The following DDHD2 variants were observed in gnomAD, a reference collection of about 807,000 sequenced individuals.
The protein encoded by DDHD2 is triacylglycerol hydrolase DDHD2.
DDHD2 carries 62 observed loss-of-function variants against 91.2 expected under a neutral mutation model. That is an observed-to-expected ratio of 0.68 (90% CI 0.55 to 0.84). The LOEUF (loss-of-function observed/expected upper bound fraction) is 0.84, where lower values mean the gene tolerates loss of function less well. Ranked by LOEUF, DDHD2 falls within the 40% of genes least tolerant of loss-of-function variation. The pLI, the probability that DDHD2 is intolerant of heterozygous loss-of-function variation, is 0.00. For synonymous variants in DDHD2, 271 were observed against 293.9 expected, an observed-to-expected ratio of 0.92 and a Z score of 0.80; for missense variants, 740 against 846.9, an observed-to-expected ratio of 0.87 and a Z score of 1.57.
intron 3 of DDHD2, among the ~76,000 whole-genome samples, chr8:38,235,047 G>T (rs2130747269): frequency 6.6e-6 from 1 of 152,186 alleles, no homozygotes; most frequent in African/African-American, 2.4e-5. Context: ...TTGTAAAGTA[G>T]GTAGTGAAAA....
At position 38,234,561 on chromosome 8, in the gene DDHD2, G is replaced by T. The variant is rs1325391969; in HGVS notation, c.388G>T (p.Glu130Ter). 6.2e-7 allele frequency: 1 copy of T among 1,609,366 alleles called. No individual in the cohort carries two copies. The part of the protein sequence containing the change: ...DKDNKYVPYS[E>*]SFSQVLEETY... ...AGACAATAAGTATGTTCCCTACTCG[G>T]AGAGCTTCAGCCAAGTTTTAGAGGT... is the stretch of plus-strand genomic sequence containing the variant. The change falls in exon 3 of 18, where the codon GAG (glutamate) becomes TAG (stop). Residue 130 changes from glutamate (E) to a stop codon, truncating the protein, a stop_gained. Coordinates refer to ENST00000397166, the MANE Select transcript of DDHD2 (RefSeq NM_015214.3). LOFTEE classifies it high-confidence loss of function.
chr8:38,260,405 C>T (rs536355585), intron 17 of DDHD2, among the ~76,000 whole-genome samples, 195 bp from the exon 18 acceptor site: 1 of 152,202 alleles, frequency 6.6e-6, no homozygotes, highest in Non-Finnish European at 1.5e-5. Context: ...GATCTAAACT[C>T]AGAGTTTTAA....
chr8:38,256,157 G>T (rs900275749), intron 16 of DDHD2, among the ~76,000 whole-genome samples: 7 of 152,076 alleles, frequency 4.6e-5, no homozygotes, highest in African/African-American at 1.4e-4. Context: ...TGTGCCTTTT[G>T]TAATCCCTCC....
chr8:38,252,575 A>C, intron 13 of DDHD2, 147 bp from the exon 14 acceptor site: 1 of 685,356 alleles, frequency 1.5e-6, no homozygotes, highest in Non-Finnish European at 2.4e-6. Context: ...CTAGGAGTTG[A>C]AGGCTACAGT....
chr8:38,251,992 T>C lies in DDHD2; in HGVS notation c.1425T>C (p.Thr475=). The change falls in exon 12 of 18, where the codon ACT becomes ACC. Residue 475 remains threonine, a synonymous_variant. Coordinates refer to ENST00000397166, the MANE Select transcript of DDHD2 (RefSeq NM_015214.3). Reference sequence around the variant, plus strand: ...CTGAGTTCTGCAGTAGCAGTAATACTAGAAATGGTGACTATCTGGATGTTG... The same window carrying C: ...CTGAGTTCTGCAGTAGCAGTAATACCAGAAATGGTGACTATCTGGATGTTG... The part of the protein sequence containing the change: ...KESEFCSSSN[T]RNGDYLDVGI... 1.2e-6 allele frequency: 2 copies of C among 1,614,198 alleles called. No homozygotes were observed. Among genetic ancestry groups the C allele is most frequent in the Non-Finnish European group, 1.7e-6 (2 of 1,179,986 alleles).
chr8:38,269,262 G>A (rs964651052), intron 1 of DDHD2: 18 of 1,363,846 alleles, frequency 1.3e-5, no homozygotes, highest in Non-Finnish European at 1.7e-5. Context: ...GGGCCGGGCC[G>A]GGAACTGGGC....
chr8:38,258,611 C>T (rs1806727191), intron 16 of DDHD2, among the ~76,000 whole-genome samples: 1 of 152,096 alleles, frequency 6.6e-6, no homozygotes, highest in Non-Finnish European at 1.5e-5. Context: ...TGTTGATTTG[C>T]TTATTTATGT....
intron 1 of DDHD2, chr8:38,269,174 G>GCCA: frequency 6.6e-7 from 1 of 1,505,756 alleles, no homozygotes; most frequent in Non-Finnish European, 8.8e-7. Context: ...GGCCCCAAAG[G>GCCA]CCACCGCCGC....
At chr8:38,268,007 G>C (rs1232215347) in intron 1 of DDHD2, 16 of 1,613,746 alleles carry the variant, frequency 9.9e-6, no homozygotes, top group Non-Finnish European at 1.4e-5. Flanking sequence ...AGGAGGAAAG[G>C]TATGGTCATG....
At chr8:38,239,845 C>T (rs919340915) in intron 5 of DDHD2, among the ~76,000 whole-genome samples, 7 of 150,640 alleles carry the variant, frequency 4.6e-5, no homozygotes, top group Admixed American at 4.6e-4. Context: ...TCTGCCTCAG[C>T]CTCGCGAGTA....
At chr8:38,243,511 G>A (rs887204000) in intron 7 of DDHD2, among the ~76,000 whole-genome samples, 1 of 152,008 alleles carries the variant, frequency 6.6e-6, no homozygotes, top group Non-Finnish European at 1.5e-5. Flanking sequence ...ATGAATCCTT[G>A]TATACTGATT....
At chr8:38,264,200 T>C, downstream of DDHD2, 5 of 984,512 alleles carry the variant, frequency 5.1e-6, no homozygotes, top group Non-Finnish European at 6.3e-6. Context: ...TAGGCTGGAG[T>C]GCAGTGGTGC....
At chr8:38,268,592 C>T (rs897440901) in intron 1 of DDHD2, 26 of 1,451,528 alleles carry the variant, frequency 1.8e-5, no homozygotes, top group Non-Finnish European at 2.3e-5. Context: ...CGTAACCGGG[C>T]GCCAGGCAGC....
Position 38,253,112 on chromosome 8 carries a change from T to A in DDHD2, c.1876T>A (p.Ser626Thr). 2 of 1,613,792 alleles carry A rather than the reference T, an allele frequency of 1.2e-6. No individual in the cohort carries two copies. Among genetic ancestry groups the A allele is most frequent in the Non-Finnish European group, 8.5e-7 (1 of 1,179,842 alleles). Residue 626 changes from serine to threonine, a missense_variant, in exon 15 of 18, where the codon TCA becomes ACA. Ser to Thr is a moderately conservative substitution (Grantham distance 58, BLOSUM62 1). Coordinates refer to ENST00000397166, the MANE Select transcript of DDHD2 (RefSeq NM_015214.3). ...AACTGAAGCAGAACCTGAATCAACT[T>A]CAGAGAAGCCTAGTGGTCAGTGACA... ...EETEAEPEST[S>T]EKPSDVNTEE...
At chr8:38,255,694 A>AT (rs549239773) in intron 16 of DDHD2, among the ~76,000 whole-genome samples, 15 of 143,368 alleles carry the variant, frequency 1.0e-4, no homozygotes, top group Admixed American at 1.4e-4. Flanking sequence ...TTGTTTCCTC[A>AT]TTTTTTTTTT....
At chr8:38,246,035 A>G in intron 8 of DDHD2, 85 bp downstream of exon 8, 2 of 1,404,756 alleles carry the variant, frequency 1.4e-6, no homozygotes, top group Non-Finnish European at 2.0e-6. Context: ...TTTTATCAGT[A>G]TGAAATTCAG....
At chr8:38,246,370 T>G in intron 9 of DDHD2, 70 bp downstream of exon 9, 1 of 1,275,248 alleles carries the variant, frequency 7.8e-7, no homozygotes, top group Non-Finnish European at 1.1e-6. Flanking sequence ...TTAGACTTAT[T>G]TTTTGTTTTT....
chr8:38,264,510 T>TG, downstream of DDHD2: 1 of 1,558,642 alleles, frequency 6.4e-7, no homozygotes, highest in Non-Finnish European at 8.7e-7. Flanking sequence ...TGTCTTGAAA[T>TG]GGTTTATGGC....
chr8:38,260,197 G>T, intron 17 of DDHD2, 50 bp downstream of exon 17: 1 of 1,055,092 alleles, frequency 9.5e-7, no homozygotes, highest in Non-Finnish European at 1.5e-6. Context: ...ATATTAACAT[G>T]TTATAATGAA....
Sources: allele counts gnomAD v4.1 joint callset (sites outside exome capture counted in the v4.1 genomes callset), GRCh38; gene constraint gnomAD v4.1.1; transcripts MANE v1.5; gene names NCBI Gene and HGNC (gene_info 2026-07-23, HGNC 2026-07-21).